Variants in RAD51AP2 observed in about 807,000 individuals in gnomAD.
The protein encoded by RAD51AP2 is RAD51-associated protein 2.
RAD51AP2 carries 67 observed loss-of-function variants against 85.5 expected under a neutral mutation model. The ratio of observed to expected loss-of-function variants is 0.78; its 90% CI spans 0.64 to 0.96. The LOEUF (loss-of-function observed/expected upper bound fraction) is 0.96. Among genes scored for constraint, RAD51AP2 ranks in the 40% least tolerant of loss-of-function variants. RAD51AP2 has a pLI of 0.00. For missense variants in RAD51AP2, 1,307 were observed against 1,332.4 expected (o/e 0.98, Z 0.30); for synonymous variants, 474 against 446.5 (o/e 1.06, Z -0.78).
the RAD51AP2 span, among the ~76,000 whole-genome samples, chr2:17,537,022 T>G: frequency 2.7e-4 from 41 of 152,196 alleles, no homozygotes; most frequent in African/African-American, 9.7e-4. Context: ...AAAAAAGATT[T>G]AAAAAGTCAG....
chr2:17,531,178 G>A, the RAD51AP2 span, among the ~76,000 whole-genome samples: 2 of 152,166 alleles, frequency 1.3e-5, no homozygotes, highest in Non-Finnish European at 2.9e-5. Flanking sequence ...CATGTGGTAT[G>A]TGCAGCTGAA....
In RAD51AP2 at chr2:17,517,920, C is replaced by T; in HGVS notation, c.496G>A (p.Asp166Asn). The change falls in exon 1 of 3, where the codon GAT becomes AAT. Residue 166 changes from aspartate to asparagine, a missense_variant. Coordinates refer to ENST00000399080, the MANE Select transcript of RAD51AP2 (RefSeq NM_001099218.3). Reference protein sequence around the residue: ...SQLLPSTSIHDIHGIRNENRK... With the variant: ...SQLLPSTSIHNIHGIRNENRK... ...TTCTCATTTCTAATTCCATGTATATCGTGTATAGAGGTGCTGGGCAGAAGT... is the reference window on the plus strand; with the variant it reads ...TTCTCATTTCTAATTCCATGTATATTGTGTATAGAGGTGCTGGGCAGAAGT... 1 of 1,614,072 alleles carries T rather than the reference C, an allele frequency of 6.2e-7. No individual in the cohort carries two copies. The highest frequency in any genetic ancestry group is 8.5e-7 in the Non-Finnish European group (1 of 1,180,026).
intron 1 of RAD51AP2, 109 bp downstream of exon 1, chr2:17,515,060 T>G (rs1164177970): frequency 2.2e-6 from 2 of 904,466 alleles, no homozygotes; most frequent in African/African-American, 3.4e-5. Context: ...TGTCTTGCAT[T>G]TTATCTCTAC....
Position 17,516,453 on chromosome 2 carries a change from T to G in RAD51AP2, c.1963A>C (p.Thr655Pro). Residue 655 changes from threonine to proline, a missense_variant, in exon 1 of 3, where the codon ACT becomes CCT. Thr to Pro is a conservative substitution (Grantham distance 38). Around this residue, in one of 3 missense-constraint regions of RAD51AP2, gnomAD observed 668 missense variants for 671.0 expected, o/e 1.00. Coordinates refer to ENST00000399080, the MANE Select transcript of RAD51AP2 (RefSeq NM_001099218.3). ...PMLKKRKLFRTEQVFEKSKKK... is the reference protein window; with the variant it reads ...PMLKKRKLFRPEQVFEKSKKK... Reference sequence around the variant, plus strand: ...TTAGACTTTTCAAAAACTTGTTCAGTTCTAAATAACTTCCTTTTCTTTAAC... The same window carrying G: ...TTAGACTTTTCAAAAACTTGTTCAGGTCTAAATAACTTCCTTTTCTTTAAC... 1 of 1,570,048 alleles carries G rather than the reference T, an allele frequency of 6.4e-7. No individual in the cohort carries two copies. Among genetic ancestry groups the G allele is most frequent in the South Asian group, 1.2e-5 (1 of 84,738 alleles).
At chr2:17,512,375 C>T (rs541296695) in intron 2 of RAD51AP2, among the ~76,000 whole-genome samples, 1 of 152,274 alleles carries the variant, frequency 6.6e-6, no homozygotes, top group South Asian at 2.1e-4. Flanking sequence ...TTTAACAAGC[C>T]TCAGGATGAT....
At chr2:17,519,177 TTA>T (rs1408973933), upstream of RAD51AP2, among the ~76,000 whole-genome samples, 1 of 152,100 alleles carries the variant, frequency 6.6e-6, no homozygotes, top group Non-Finnish European at 1.5e-5. Context: ...AGATAAAATA[TTA>T]TATGTTTGAA....
At chr2:17,520,254 G>A (rs1262799813), upstream of RAD51AP2, among the ~76,000 whole-genome samples, 2 of 152,012 alleles carry the variant, frequency 1.3e-5, no homozygotes, top group Admixed American at 1.3e-4. Flanking sequence ...TATACTAATG[G>A]CCACTGCCAT....
chr2:17,516,253 T>G lies in RAD51AP2; in HGVS notation c.2163A>C (p.Glu721Asp). 1 of 1,611,354 alleles carries G rather than the reference T, an allele frequency of 6.2e-7. No homozygotes were observed. Among genetic ancestry groups the G allele is most frequent in the Non-Finnish European group, 8.5e-7 (1 of 1,179,314 alleles). ...MSCPQQVVNV[E>D]NWAHYNSSTV... ...TACTAGAATTATAGTGAGCCCAATT[T>G]TCCACATTCACAACTTGTTGAGGAC... Residue 721 changes from glutamate (E) to aspartate (D), a missense_variant, in exon 1 of 3, where the codon GAA (glutamate) becomes GAC (aspartate). Transcript: ENST00000399080.
chr2:17,511,726 G>A (rs1418330914), intron 2 of RAD51AP2, among the ~76,000 whole-genome samples: 2 of 152,044 alleles, frequency 1.3e-5, no homozygotes, highest in Non-Finnish European at 1.5e-5. Context: ...TCTGACAAAA[G>A]GTTAGCAGTA....
chr2:17,531,253 C>T, the RAD51AP2 span, among the ~76,000 whole-genome samples: 1 of 152,080 alleles, frequency 6.6e-6, no homozygotes, highest in Non-Finnish European at 1.5e-5. Context: ...TGGCCATTTA[C>T]CAACAAAGTA....
At position 17,515,162 on chromosome 2, in the gene RAD51AP2, T is replaced by C. The variant is rs2103307349; in HGVS notation, c.3247+7A>G. The C allele has an allele frequency of 6.5e-7, 1 of 1,546,330 alleles. No individual in the cohort carries two copies. The highest frequency in any genetic ancestry group is 2.3e-5 in the East Asian group (1 of 44,236). Reference sequence around the variant, plus strand: ...TGAGAAATAATGTTCTAAAATGAATTTCATACCTTTCTCAGAAGTAGAGTA... The same window carrying C: ...TGAGAAATAATGTTCTAAAATGAATCTCATACCTTTCTCAGAAGTAGAGTA... On this transcript the variant is annotated splice_region_variant and intron_variant, in intron 1 of 2. Transcript: ENST00000399080.
In RAD51AP2 at chr2:17,515,370, C is replaced by G. The variant is rs780875842; in HGVS notation, c.3046G>C (p.Asp1016His). The change falls in exon 1 of 3, where the codon GAT (aspartate) becomes CAT (histidine). Residue 1016 changes from aspartate to histidine, a missense_variant. Around this residue, in one of 3 missense-constraint regions of RAD51AP2, gnomAD observed 668 missense variants for 671.0 expected, o/e 1.00. Transcript: ENST00000399080. ...TTGTTGACCACAACCATTTTCAAAT[C>G]TTTTTCTATCTCCATTTTTACCTTC... is the stretch of plus-strand genomic sequence containing the variant. ...AEKVKMEIEKDLKMVVVNKIR... is the reference protein window; with the variant it reads ...AEKVKMEIEKHLKMVVVNKIR... 3 of 1,611,412 alleles carry G rather than the reference C, an allele frequency of 1.9e-6. No individual in the cohort carries two copies. The highest frequency in any genetic ancestry group is 2.5e-6 in the Non-Finnish European group (3 of 1,179,332).
At chr2:17,519,032 C>CCAGTCTAT (rs1662796496), upstream of RAD51AP2, among the ~76,000 whole-genome samples, 3 of 151,932 alleles carry the variant, frequency 2.0e-5, no homozygotes. Context: ...CCAGTACTTA[C>CCAGTCTAT]CAGTCTATCT....
chr2:17,512,451 G>C (rs1237564049), intron 2 of RAD51AP2, among the ~76,000 whole-genome samples: 1 of 152,136 alleles, frequency 6.6e-6, no homozygotes, highest in African/African-American at 2.4e-5. Context: ...AATTCTGGCT[G>C]AATTCATACA....
At chr2:17,522,117 T>C (rs1662869342), upstream of RAD51AP2, among the ~76,000 whole-genome samples, 1 of 152,070 alleles carries the variant, frequency 6.6e-6, no homozygotes, top group South Asian at 2.1e-4. Flanking sequence ...ATTAATCATT[T>C]TGTTACTTTC....
chr2:17,515,177 GAAGTA>G lies in RAD51AP2; in HGVS notation c.3234_3238del (p.Thr1079Ter), dbSNP rs748465711. On this transcript the variant is annotated frameshift_variant, in exon 1 of 3. Coordinates refer to ENST00000399080, the MANE Select transcript of RAD51AP2 (RefSeq NM_001099218.3). LOFTEE classifies it high-confidence loss of function. The stretch of plus-strand genomic sequence containing the variant: ...TAAAATGAATTTCATACCTTTCTCA[GAAGTA>G]GAGTAAAGTAATTCTTCCTCTGATC... 7.7e-6 allele frequency: 12 copies of G among 1,566,080 alleles called. No homozygotes were observed. The highest frequency in any genetic ancestry group is 2.1e-5 in the Admixed American group (1 of 48,502).
chr2:17,517,966 G>A lies in RAD51AP2; in HGVS notation c.450C>T (p.Ser150=). 6.2e-7 allele frequency: 1 copy of A among 1,614,152 alleles called. No homozygotes were observed. Among genetic ancestry groups the A allele is most frequent in the Non-Finnish European group, 8.5e-7 (1 of 1,180,036 alleles). The change falls in exon 1 of 3, where the codon AGC becomes AGT. Residue 150 remains serine, a synonymous_variant. Transcript: ENST00000399080. ...REAFSVHRSN[S]SKAGVSQLLP... is the part of the protein sequence containing the mutation. ...GAAGTTGACTAACCCCTGCTTTGGA[G>A]CTATTACTGCGGTGCACACTGAAAG...
At chr2:17,526,332 G>C in the RAD51AP2 span, among the ~76,000 whole-genome samples, 1 of 148,028 alleles carries the variant, frequency 6.8e-6, no homozygotes, top group Admixed American at 6.7e-5. Context: ...TCTTTCAATA[G>C]GTATAGGCTT....
At chr2:17,529,549 T>G in the RAD51AP2 span, among the ~76,000 whole-genome samples, 1 of 152,148 alleles carries the variant, frequency 6.6e-6, no homozygotes, top group African/African-American at 2.4e-5. Context: ...ATCAGGAACT[T>G]AGCATTCTGA....
Sources: gnomAD v4.1 joint callset for allele counts (sites outside exome capture counted in the v4.1 genomes callset) on GRCh38, gnomAD v4.1.1 for gene constraint, gnomAD v4.1.1 regional missense constraint, MANE v1.5 for transcripts, NCBI Gene and HGNC (gene_info 2026-07-23, HGNC 2026-07-21) for gene names.